Variants in PTPRN2 observed in about 807,000 individuals in gnomAD.
PTPRN2 encodes the protein protein tyrosine phosphatase receptor type N2.
A neutral mutation model predicts 118.8 loss-of-function variants in PTPRN2; 74 were observed. That is an observed-to-expected ratio of 0.62 (90% confidence interval 0.52 to 0.76). PTPRN2 has a LOEUF of 0.76. PTPRN2 is among the 30% of genes least tolerant of loss of function. The pLI, the probability that PTPRN2 is intolerant of heterozygous loss-of-function variation, is 0.00. For synonymous variants in PTPRN2, 641 were observed against 608.0 expected, an observed-to-expected ratio of 1.05 and a Z score of -0.80; for missense variants, 1,481 against 1,394.4, an observed-to-expected ratio of 1.06 and a Z score of -0.99.
intron 3 of PTPRN2, among the ~76,000 whole-genome samples, chr7:158,252,351 T>A (rs1255387733): frequency 1.3e-5 from 2 of 152,172 alleles, no homozygotes; most frequent in African/African-American, 4.8e-5. Flanking sequence ...CCCAGGGTGG[T>A]GAGTGGTGTC....
chr7:157,675,162 C>T (rs1297383722), intron 13 of PTPRN2, among the ~76,000 whole-genome samples: 1 of 152,194 alleles, frequency 6.6e-6, no homozygotes, highest in Non-Finnish European at 1.5e-5. Context: ...TGTCTCCTCC[C>T]AACACCCACT....
rs1242296655 is a variant in PTPRN2, at chr7:157,596,990, G to A, written c.2419-1675C>T. ...GTGCTGCTGCATTTGGGAAGCTGACGTGGGGCACGTTTTCTTTAACAGCGA... is the reference window on the plus strand; with the variant it reads ...GTGCTGCTGCATTTGGGAAGCTGACATGGGGCACGTTTTCTTTAACAGCGA... On this transcript the variant is annotated intron_variant, in intron 16 of 22. Transcript: ENST00000389418. The surrounding 1 kb of genome is among the most constrained non-coding windows in gnomAD (Gnocchi z 4.2). 4.6e-5 allele frequency among the ~76,000 whole-genome samples: 7 copies of A among 152,210 alleles called. No individual in the cohort carries two copies. Among genetic ancestry groups the A allele is most frequent in the African/African-American group, 1.7e-4 (7 of 41,464 alleles).
intron 12 of PTPRN2, among the ~76,000 whole-genome samples, chr7:157,887,835 C>T (rs746116078): frequency 8.9e-5 from 12 of 134,826 alleles, no homozygotes; most frequent in Middle Eastern, 3.5e-3. Context: ...ACCCAGTACC[C>T]GCTTCCCCAA....
chr7:158,429,875 G>A (rs142679779), intron 2 of PTPRN2, among the ~76,000 whole-genome samples: 229 of 152,278 alleles, frequency 1.5e-3, no homozygotes, highest in Non-Finnish European at 2.9e-3. Context: ...GTGTGTAGCC[G>A]TACTCGTGGG....
At position 157,810,540 on chromosome 7, in the gene PTPRN2, G is replaced by A. The variant is rs537880222; in HGVS notation, c.1788+88133C>T. On this transcript the variant is annotated intron_variant, in intron 12 of 22. Coordinates refer to ENST00000389418, the MANE Select transcript of PTPRN2 (RefSeq NM_002847.5). ...GACTGCTGGGAGCTGGGTTCTCCACGGGGACGGGGACGGCGGGACTGCTGG... is the reference window on the plus strand; with the variant it reads ...GACTGCTGGGAGCTGGGTTCTCCACAGGGACGGGGACGGCGGGACTGCTGG... Among the ~76,000 whole-genome samples, 244 of 145,294 alleles carry A rather than the reference G, an allele frequency of 1.7e-3. 3 individuals carry two copies. Among genetic ancestry groups the A allele is most frequent in the African/African-American group, 5.1e-3 (196 of 38,790 alleles).
chr7:158,253,270 C>T (rs748819721), intron 3 of PTPRN2, among the ~76,000 whole-genome samples: 6 of 151,022 alleles, frequency 4.0e-5, no homozygotes, highest in East Asian at 1.9e-4. Flanking sequence ...GAGGACTGAC[C>T]GGGGCCAGCA....
intron 10 of PTPRN2, among the ~76,000 whole-genome samples, chr7:158,099,961 T>C (rs1172206565): frequency 6.6e-6 from 1 of 150,998 alleles, no homozygotes; most frequent in Non-Finnish European, 1.5e-5. Context: ...CCATAGGTTT[T>C]GGGAACAGGC....
intron 11 of PTPRN2, among the ~76,000 whole-genome samples, chr7:158,045,826 G>A (rs905083264): frequency 1.4e-5 from 2 of 147,624 alleles, no homozygotes; most frequent in Admixed American, 6.7e-5. Context: ...ACACTGCCTC[G>A]TTCTGTCCAG....
chr7:158,350,649 C>G (rs1186651320), intron 2 of PTPRN2, among the ~76,000 whole-genome samples: 1 of 152,188 alleles, frequency 6.6e-6, no homozygotes, highest in African/African-American at 2.4e-5. Context: ...GGTGCCAGAG[C>G]TGCTGCCTAA....
chr7:158,176,389 C>A (rs949196104), intron 5 of PTPRN2, among the ~76,000 whole-genome samples: 5 of 152,132 alleles, frequency 3.3e-5, no homozygotes, highest in African/African-American at 1.2e-4. Context: ...GACATGATTA[C>A]CCACATTTTG....
chr7:157,883,636 T>C (rs1425924645), intron 12 of PTPRN2, among the ~76,000 whole-genome samples: 176 of 99,982 alleles, frequency 1.8e-3, no homozygotes, highest in Middle Eastern at 0.01. Flanking sequence ...GACCAGAACA[T>C]GCCACCCCAA....
At chr7:158,520,737 C>T (rs11767534) in intron 1 of PTPRN2, among the ~76,000 whole-genome samples, 5,353 of 152,250 alleles carry the variant, frequency 0.035, 128 homozygotes, top group Middle Eastern at 0.061. Flanking sequence ...AACAAACATA[C>T]GAAGAACGAT....
chr7:158,580,785 A>G (rs960233475), intron 1 of PTPRN2, among the ~76,000 whole-genome samples: 5 of 152,220 alleles, frequency 3.3e-5, no homozygotes, highest in South Asian at 4.1e-4. Flanking sequence ...GGAAGCCCAG[A>G]AAGCATTCGG....
chr7:158,489,546 G>A (rs956084827), intron 2 of PTPRN2, among the ~76,000 whole-genome samples, 189 bp downstream of exon 2: 1 of 152,216 alleles, frequency 6.6e-6, no homozygotes, highest in Non-Finnish European at 1.5e-5. Flanking sequence ...CCCAGAACCC[G>A]GGCAACCTCT....
At chr7:158,197,295 T>G (rs1826281875) in intron 4 of PTPRN2, among the ~76,000 whole-genome samples, 1 of 152,186 alleles carries the variant, frequency 6.6e-6, no homozygotes, top group Non-Finnish European at 1.5e-5. Flanking sequence ...GACCATCTGG[T>G]ACTTGTATAT....
chr7:157,632,978 C>T lies in PTPRN2; in HGVS notation c.2197-11469G>A, dbSNP rs182814838. Among the ~76,000 whole-genome samples the T allele has an allele frequency of 1.3e-5, 2 of 152,226 alleles. No individual in the cohort carries two copies. Among genetic ancestry groups the T allele is most frequent in the South Asian group, 4.1e-4 (2 of 4,826 alleles). On this transcript the variant is annotated intron_variant, in intron 14 of 22. Coordinates refer to ENST00000389418, the MANE Select transcript of PTPRN2 (RefSeq NM_002847.5). This position sits in a 1 kb window ranked among gnomAD's most constrained non-coding sequence, Gnocchi z 4.3. ...GGCTAAGAGCTGCTGTCATTTCTGT[C>T]GGATTCCTGCCGATGTTGTGGTGGT...
intron 3 of PTPRN2, among the ~76,000 whole-genome samples, chr7:158,299,169 A>G (rs892548863): frequency 6.6e-6 from 1 of 152,188 alleles, no homozygotes; most frequent in Non-Finnish European, 1.5e-5. Flanking sequence ...CCCACCCAAG[A>G]CTGGCATATT....
intron 11 of PTPRN2, among the ~76,000 whole-genome samples, chr7:158,024,919 CAG>C (rs1364821258): frequency 2.6e-5 from 4 of 152,136 alleles, no homozygotes; most frequent in Non-Finnish European, 5.9e-5. Context: ...AAAAGGAAAA[CAG>C]AAACGAAAAG....
intron 10 of PTPRN2, among the ~76,000 whole-genome samples, chr7:158,107,847 C>A (rs1490221696): frequency 1.3e-5 from 2 of 151,822 alleles, no homozygotes; most frequent in Admixed American, 1.3e-4. Flanking sequence ...CTGCCCTGCA[C>A]CTGCCCCCTC....
Sources: allele counts gnomAD v4.1 joint callset (sites outside exome capture counted in the v4.1 genomes callset), GRCh38; gene constraint gnomAD v4.1.1; non-coding constraint Gnocchi (gnomAD v3.1); transcripts MANE v1.5; gene names NCBI Gene and HGNC (gene_info 2026-07-23, HGNC 2026-07-21).